Variants in TRIM67 observed in about 807,000 individuals in gnomAD.
The protein encoded by TRIM67 is tripartite motif-containing protein 67.
A neutral mutation model predicts 71.0 loss-of-function variants in TRIM67; 39 were observed. The observed-to-expected ratio is 0.55, with a 90% confidence interval of 0.43 to 0.72. The LOEUF is 0.72. TRIM67 is among the 30% of genes least tolerant of loss of function. TRIM67 has a pLI of 0.00. For synonymous variants in TRIM67, 481 were observed against 473.9 expected, an observed-to-expected ratio of 1.01 and a Z score of -0.19; for missense variants, 973 against 1,079.2, an observed-to-expected ratio of 0.90 and a Z score of 1.38.
rs899101878 is a variant in TRIM67, at chr1:231,198,780, A to G, written c.1141-267A>G. On this transcript the variant is annotated intron_variant, in intron 2 of 9. Coordinates refer to ENST00000366653, the MANE Select transcript of TRIM67 (RefSeq NM_001004342.5). ...ATCCTGACTTTTTTTCTTTCTTAACAGTCTCTCATGAGCATTTTCTCATGG... is the reference window on the plus strand; with the variant it reads ...ATCCTGACTTTTTTTCTTTCTTAACGGTCTCTCATGAGCATTTTCTCATGG... 3.9e-5 allele frequency among the ~76,000 whole-genome samples: 6 copies of G among 152,192 alleles called. No homozygotes were observed. The South Asian group carries it at 1.2e-3, about 32-fold the overall frequency.
In TRIM67 at chr1:231,216,730, G is replaced by T. The variant is rs1029190382; in HGVS notation, c.*1290G>T. ...TGCCGAGTCTGACCTGCCAGGGCAGGACTCTGGAAACACCAGGCTTCTCCC... is the reference window on the plus strand; with the variant it reads ...TGCCGAGTCTGACCTGCCAGGGCAGTACTCTGGAAACACCAGGCTTCTCCC... On this transcript the variant is annotated 3_prime_UTR_variant, in exon 10 of 10. Coordinates refer to ENST00000366653, the MANE Select transcript of TRIM67 (RefSeq NM_001004342.5). 3 of 985,508 alleles carry T rather than the reference G, an allele frequency of 3.0e-6. No individual in the cohort carries two copies. The highest frequency in any genetic ancestry group is 3.6e-6 in the Non-Finnish European group (3 of 829,964). 61.0% of individuals were successfully genotyped at this position (985,508 alleles called of 1,614,324 possible).
chr1:231,170,586 A>G (rs1389756381), intron 1 of TRIM67, among the ~76,000 whole-genome samples: 2 of 152,206 alleles, frequency 1.3e-5, no homozygotes, highest in African/African-American at 4.8e-5. Flanking sequence ...GTAGACATTC[A>G]TGGTGATGGA....
rs112847836 is a variant in TRIM67 at position 231,220,240 on chromosome 1, G to T, written c.*4800G>T. On this transcript the variant is annotated 3_prime_UTR_variant, in exon 10 of 10. Coordinates refer to ENST00000366653, the MANE Select transcript of TRIM67 (RefSeq NM_001004342.5). Reference sequence around the variant, plus strand: ...TGTGACCAGGGCAAGGAGCTGCCTGGCCTCCAGTGGGTAAAATAGACCTTT... The same window carrying T: ...TGTGACCAGGGCAAGGAGCTGCCTGTCCTCCAGTGGGTAAAATAGACCTTT... 9,714 of 312,230 alleles carry T rather than the reference G, an allele frequency of 0.031. 221 individuals carry two copies. The highest frequency in any genetic ancestry group is 0.044 in the South Asian group (1,607 of 36,194). The allele number at this position is 312,230 out of a possible 1,614,324, so 19.3% of individuals were successfully genotyped here.
intron 7 of TRIM67, among the ~76,000 whole-genome samples, chr1:231,208,330 C>G (rs866924377): frequency 6.6e-6 from 1 of 152,034 alleles, no homozygotes; most frequent in African/African-American, 2.4e-5. Context: ...CCTGCCACCA[C>G]GCCCGGCTAA....
intron 1 of TRIM67, among the ~76,000 whole-genome samples, chr1:231,194,770 C>A (rs1683320831): frequency 6.6e-6 from 1 of 152,184 alleles, no homozygotes; most frequent in South Asian, 2.1e-4. Flanking sequence ...GTAACCTCAA[C>A]CTCCTGGACT....
At chr1:231,184,989 T>A in intron 1 of TRIM67, 1 of 1,528,966 alleles carries the variant, frequency 6.5e-7, no homozygotes, top group Non-Finnish European at 8.7e-7. Context: ...TGCTCCTGAA[T>A]GGGTGGCCGG....
At chr1:231,177,400 C>T (rs955068606) in intron 1 of TRIM67, among the ~76,000 whole-genome samples, 1 of 152,166 alleles carries the variant, frequency 6.6e-6, no homozygotes, top group Admixed American at 6.5e-5. Flanking sequence ...GGTTGCCGGG[C>T]GATGAGAACC....
chr1:231,208,198 G>C (rs941559352), intron 7 of TRIM67, among the ~76,000 whole-genome samples: 5 of 148,782 alleles, frequency 3.4e-5, no homozygotes, highest in African/African-American at 1.2e-4. Flanking sequence ...TTTTGAGACA[G>C]AGTCTTGATC....
At chr1:231,169,829 C>G (rs766111094) in intron 1 of TRIM67, among the ~76,000 whole-genome samples, 4 of 151,826 alleles carry the variant, frequency 2.6e-5, no homozygotes, top group Non-Finnish European at 5.9e-5. Flanking sequence ...AGCTGACTCC[C>G]CTAACTAGAG....
intron 9 of TRIM67, among the ~76,000 whole-genome samples, chr1:231,214,734 G>T (rs563559254): frequency 1.4e-5 from 2 of 139,142 alleles, no homozygotes; most frequent in African/African-American, 5.4e-5. Context: ...AGCCGAGATC[G>T]CACCACTGCA....
At position 231,218,247 on chromosome 1, in the gene TRIM67, G is replaced by A. The variant is rs182057789; in HGVS notation, c.*2807G>A. ...CATCCACCATCGAATTCCATAACAC[G>A]TTACATCATGGTGGCACATTTGTAC... On this transcript the variant is annotated 3_prime_UTR_variant, in exon 10 of 10. Transcript: ENST00000366653. 27 of 1,000,218 alleles carry A rather than the reference G, an allele frequency of 2.7e-5. No individual in the cohort carries two copies. In the East Asian group the frequency reaches 1.7e-3, roughly 61 times the overall value. The allele number at this position is 1,000,218 out of a possible 1,614,324, so 62.0% of individuals were successfully genotyped here.
rs1682324451 is a variant in TRIM67, at chr1:231,162,828, C to T, written c.-142C>T. The T allele has an allele frequency of 9.1e-6, 10 of 1,099,720 alleles. No homozygotes were observed. Among genetic ancestry groups the T allele is most frequent in the African/African-American group, 1.6e-5 (1 of 62,002 alleles). The allele number at this position is 1,099,720 out of a possible 1,614,324, so 68.1% of individuals were successfully genotyped here. A position where few individuals can be genotyped will look rare whatever the true frequency, so the allele number is the denominator to read the frequency against. ...ACAGGACAGAGAGAGGGGCGTGCCCCTCGGCTGTGAAGTGGGCATGCCCGT... is the reference window on the plus strand; with the variant it reads ...ACAGGACAGAGAGAGGGGCGTGCCCTTCGGCTGTGAAGTGGGCATGCCCGT... On this transcript the variant is annotated 5_prime_UTR_variant, in exon 1 of 10. Coordinates refer to ENST00000366653, the MANE Select transcript of TRIM67 (RefSeq NM_001004342.5).
At chr1:231,177,299 G>A (rs911831327) in intron 1 of TRIM67, among the ~76,000 whole-genome samples, 3 of 152,216 alleles carry the variant, frequency 2.0e-5, no homozygotes, top group African/African-American at 7.2e-5. Flanking sequence ...AAAGCTCTAA[G>A]ACAAATTCTC....
chr1:231,163,869 C>G lies in TRIM67; in HGVS notation c.900C>G (p.Phe300Leu), dbSNP rs1212802784. The G allele has an allele frequency of 4.5e-6, 7 of 1,570,770 alleles. No homozygotes were observed. The highest frequency in any genetic ancestry group is 6.0e-6 in the Non-Finnish European group (7 of 1,158,778). ...GATGGSTARK[F>L]PTCPEHEMEN... ...CTGGGGGCAGCACGGCCCGCAAGTTCCCCACGTGTCCCGAGCATGAAATGG... is the reference window on the plus strand; with the variant it reads ...CTGGGGGCAGCACGGCCCGCAAGTTGCCCACGTGTCCCGAGCATGAAATGG... The change falls in exon 1 of 10, where the codon TTC (phenylalanine) becomes TTG (leucine). Residue 300 changes from phenylalanine (F) to leucine (L), a missense_variant. By Grantham distance (22) the Phe-to-Leu change is conservative. Transcript: ENST00000366653.
intron 1 of TRIM67, among the ~76,000 whole-genome samples, chr1:231,166,799 T>G (rs1318077230): frequency 6.6e-6 from 1 of 152,194 alleles, no homozygotes; most frequent in Non-Finnish European, 1.5e-5. Flanking sequence ...TGTAAAAAAC[T>G]TTAGGTCTTG....
intron 5 of TRIM67, among the ~76,000 whole-genome samples, chr1:231,202,098 G>GAGA (rs1291648475): frequency 2.6e-5 from 4 of 151,928 alleles, no homozygotes; most frequent in Admixed American, 6.5e-5. Flanking sequence ...TAAGATAATG[G>GAGA]AGGAGGAGGA....
Position 231,217,755 on chromosome 1 carries a change from A to G in TRIM67, c.*2315A>G, listed in dbSNP as rs965152781. Reference sequence around the variant, plus strand: ...CCCCAGCTCTGCAGAAGAATCGCCCATCATTGGAGCACAAGTTGCCTGGGG... The same window carrying G: ...CCCCAGCTCTGCAGAAGAATCGCCCGTCATTGGAGCACAAGTTGCCTGGGG... On this transcript the variant is annotated 3_prime_UTR_variant, in exon 10 of 10. Coordinates refer to ENST00000366653, the MANE Select transcript of TRIM67 (RefSeq NM_001004342.5). The G allele has an allele frequency of 6.3e-6, 8 of 1,274,552 alleles. No homozygotes were observed. The Admixed American group carries it at 9.6e-5, about 15-fold the overall frequency. The allele number at this position is 1,274,552 out of a possible 1,614,324, so 79.0% of individuals were successfully genotyped here.
chr1:231,177,297 A>C (rs567541863), intron 1 of TRIM67, among the ~76,000 whole-genome samples: 15 of 152,380 alleles, frequency 9.8e-5, no homozygotes, highest in Admixed American at 3.3e-4. Flanking sequence ...AGAAAGCTCT[A>C]AGACAAATTC....
At position 231,219,792 on chromosome 1, in the gene TRIM67, G is replaced by A; in HGVS notation, c.*4352G>A. ...CTTTTCTTTTGCAAGTGAGCCGGTA[G>A]CTGTGTTTGTTGACCACATTCTTTG... On this transcript the variant is annotated 3_prime_UTR_variant, in exon 10 of 10. Coordinates refer to ENST00000366653, the MANE Select transcript of TRIM67 (RefSeq NM_001004342.5). 6 of 1,249,682 alleles carry A rather than the reference G, an allele frequency of 4.8e-6. No individual in the cohort carries two copies. Among genetic ancestry groups the A allele is most frequent in the Middle Eastern group, 2.7e-4 (1 of 3,642 alleles). The allele number at this position is 1,249,682 out of a possible 1,614,324, so 77.4% of individuals were successfully genotyped here.
Sources: gnomAD v4.1 joint callset for allele counts (sites outside exome capture counted in the v4.1 genomes callset) on GRCh38, gnomAD v4.1.1 for gene constraint, MANE v1.5 for transcripts, NCBI Gene and HGNC (gene_info 2026-07-23, HGNC 2026-07-21) for gene names.